PSORS1C1: variants seen among roughly 807,000 people sequenced by gnomAD.
PSORS1C1 encodes the protein psoriasis susceptibility 1 candidate 1, also known as psoriasis susceptibility 1 candidate gene 1 protein.
In PSORS1C1, 7 loss-of-function variants were observed where a neutral mutation model predicts 9.4. That is an observed-to-expected ratio of 0.75 (90% CI 0.42 to 1.40). The LOEUF (loss-of-function observed/expected upper bound fraction) is 1.40. Ranked by LOEUF, PSORS1C1 falls within the 40% of genes most tolerant of loss-of-function variation. The pLI is 0.01. For missense variants in PSORS1C1, 146 were observed against 178.1 expected, an observed-to-expected ratio of 0.82 and a Z score of 1.02; for synonymous variants, 63 against 69.4, an observed-to-expected ratio of 0.91 and a Z score of 0.46.
In PSORS1C1 at chr6:31,130,497, C is replaced by T. The variant is rs554552909; in HGVS notation, c.13+852C>T. 3.3e-5 allele frequency among the ~76,000 whole-genome samples: 5 copies of T among 152,030 alleles called. No individual in the cohort carries two copies. In the South Asian group the frequency reaches 6.2e-4, roughly 19 times the overall value. ...TGCGACCTCGGCTCACTGCAACGTC[C>T]GCCTCCCGGGTTCACGCCATTCTCC... On this transcript the variant is annotated intron_variant, in intron 3 of 5. Transcript: ENST00000259881.
chr6:31,117,581 C>A, intron 1 of PSORS1C1: 1 of 1,460,210 alleles, frequency 6.8e-7, no homozygotes, highest in Non-Finnish European at 9.4e-7. Flanking sequence ...GGCTTCCTCC[C>A]TCACCTTTCT....
intron 1 of PSORS1C1, 46 bp downstream of exon 1, chr6:31,114,937 G>A (rs1358720326): frequency 2.2e-6 from 1 of 450,044 alleles, no homozygotes; most frequent in Admixed American, 2.4e-5. Context: ...GGTGGGGAGG[G>A]GAGGGGAGGG....
At chr6:31,136,578 C>T (rs1022734038) in intron 3 of PSORS1C1, among the ~76,000 whole-genome samples, 4 of 152,008 alleles carry the variant, frequency 2.6e-5, no homozygotes. Flanking sequence ...CTGGTCCTGC[C>T]GACACACCCC....
At position 31,138,031 on chromosome 6, in the gene PSORS1C1, G is replaced by A. The variant is rs768017465; in HGVS notation, c.14-399G>A. On this transcript the variant is annotated intron_variant, in intron 3 of 5. Coordinates refer to ENST00000259881, the MANE Select transcript of PSORS1C1 (RefSeq NM_014068.3). The stretch of plus-strand genomic sequence containing the variant: ...TCCACCTCAGGGGCAGGAGGCCAGG[G>A]GTTTTCTGGGGGCTGGGGTCCTGCC... 6 of 1,529,068 alleles carry A rather than the reference G, an allele frequency of 3.9e-6. No homozygotes were observed. In the African/African-American group the frequency reaches 8.3e-5, roughly 21 times the overall value. The allele number at this position is 1,529,068 out of a possible 1,614,324, so 94.7% of individuals were successfully genotyped here.
chr6:31,130,748 A>G (rs1772877630), intron 3 of PSORS1C1, among the ~76,000 whole-genome samples: 1 of 151,496 alleles, frequency 6.6e-6, no homozygotes. Flanking sequence ...AGGTCACACT[A>G]TGTTGCCCAC....
In PSORS1C1 at chr6:31,140,087, A is replaced by AT. The variant is rs1184445342; in HGVS notation, c.*156dup. 7.1e-6 allele frequency: 5 copies of AT among 702,218 alleles called. No homozygotes were observed. The highest frequency in any genetic ancestry group is 9.7e-6 in the Non-Finnish European group (4 of 412,084). The allele number at this position is 702,218 out of a possible 1,614,324, so 43.5% of individuals were successfully genotyped here. On this transcript the variant is annotated 3_prime_UTR_variant, in exon 6 of 6. Coordinates refer to ENST00000259881, the MANE Select transcript of PSORS1C1 (RefSeq NM_014068.3). The surrounding 1 kb of genome is among the most constrained non-coding windows in gnomAD (Gnocchi z 4.6). ...ACCCCACAGTAAGGAACACCTTATT[A>AT]TGCAATGGCGTGATCTCATCTGTTC...
intron 1 of PSORS1C1, chr6:31,118,154 A>G (rs1465670691): frequency 1.3e-5 from 2 of 153,362 alleles, no homozygotes; most frequent in Non-Finnish European, 2.9e-5. Context: ...AAGTGGAGAC[A>G]CATATAGAAG....
intron 1 of PSORS1C1, among the ~76,000 whole-genome samples, chr6:31,125,285 G>A (rs1341455573): frequency 1.3e-5 from 2 of 152,010 alleles, no homozygotes; most frequent in African/African-American, 4.8e-5. Context: ...TCCAGCGAGA[G>A]GCCGTTTCCT....
intron 3 of PSORS1C1, among the ~76,000 whole-genome samples, chr6:31,132,848 TA>T (rs9281221): frequency 2.7e-3 from 383 of 140,126 alleles, no homozygotes; most frequent in East Asian, 5.3e-3. Context: ...GACCCTGTCT[TA>T]AAAAAAAAAA....
intron 1 of PSORS1C1, chr6:31,116,208 C>G: frequency 6.2e-7 from 1 of 1,613,800 alleles, no homozygotes; most frequent in Non-Finnish European, 8.5e-7. Context: ...CATCGGGGCC[C>G]CCAGTCAGTG....
At chr6:31,129,154 C>T (rs964503914) in intron 2 of PSORS1C1, among the ~76,000 whole-genome samples, 2 of 151,774 alleles carry the variant, frequency 1.3e-5, no homozygotes, top group East Asian at 1.9e-4. Context: ...TAGATTTTAC[C>T]GTGATACTAG....
At chr6:31,124,487 G>A (rs912692047) in intron 1 of PSORS1C1, among the ~76,000 whole-genome samples, 10 of 152,294 alleles carry the variant, frequency 6.6e-5, no homozygotes, top group African/African-American at 2.4e-4. Context: ...AAGCAAAAAT[G>A]TTTGAAAAAG....
chr6:31,131,801 C>T (rs1251899018), intron 3 of PSORS1C1, among the ~76,000 whole-genome samples: 1 of 152,184 alleles, frequency 6.6e-6, no homozygotes, highest in African/African-American at 2.4e-5. Flanking sequence ...TAAACGAGAG[C>T]TTAAGCTGTA....
intron 1 of PSORS1C1, chr6:31,116,117 G>T (rs138408228): frequency 6.8e-6 from 11 of 1,611,024 alleles, no homozygotes; most frequent in South Asian, 1.1e-5. Context: ...AGGATATCCC[G>T]GATGGAGCGG....
intron 1 of PSORS1C1, chr6:31,120,519 G>T: frequency 9.2e-7 from 1 of 1,084,600 alleles, no homozygotes; most frequent in Non-Finnish European, 1.4e-6. Flanking sequence ...TGTGGGGAGA[G>T]GAGGAGAGGT....
intron 2 of PSORS1C1, among the ~76,000 whole-genome samples, chr6:31,126,191 G>C (rs1341305200): frequency 1.3e-5 from 2 of 152,194 alleles, no homozygotes; most frequent in African/African-American, 4.8e-5. Flanking sequence ...TCTCCCCTGA[G>C]CCACTCTTCT....
chr6:31,120,476 G>A, intron 1 of PSORS1C1: 1 of 1,392,970 alleles, frequency 7.2e-7, no homozygotes, highest in Non-Finnish European at 1.0e-6. Context: ...GGTCCTTTAT[G>A]CCAGAGCTGG....
At chr6:31,130,155 C>T (rs1435891805) in intron 3 of PSORS1C1, among the ~76,000 whole-genome samples, 1 of 151,946 alleles carries the variant, frequency 6.6e-6, no homozygotes, top group Non-Finnish European at 1.5e-5. Flanking sequence ...ACGTTATTGG[C>T]TTGAGGGTCA....
rs370908851 is a variant in PSORS1C1 at position 31,115,916 on chromosome 6, G to A, written c.-229+1025G>A. On this transcript the variant is annotated intron_variant, in intron 1 of 5. Coordinates refer to ENST00000259881, the MANE Select transcript of PSORS1C1 (RefSeq NM_014068.3). The surrounding 1 kb of genome is among the most constrained non-coding windows in gnomAD (Gnocchi z 4.2). ...AAAGCAGAACCACTCTTTTGGGAAG[G>A]AGGGAAACTGAGCTAACCCTATGCC... 405 of 957,632 alleles carry A rather than the reference G, an allele frequency of 4.2e-4. No homozygotes were observed. Among genetic ancestry groups the A allele is most frequent in the Middle Eastern group, 2.0e-3 (6 of 3,028 alleles). 59.3% of individuals were successfully genotyped at this position (957,632 alleles called of 1,614,324 possible).
Sources: gnomAD v4.1 joint callset for allele counts (sites outside exome capture counted in the v4.1 genomes callset) on GRCh38, gnomAD v4.1.1 for gene constraint, Gnocchi (gnomAD v3.1) non-coding constraint, MANE v1.5 for transcripts, NCBI Gene and HGNC (gene_info 2026-07-23, HGNC 2026-07-21) for gene names.